KCNAB2: variants seen among roughly 807,000 people sequenced by gnomAD.
KCNAB2 encodes the protein voltage-gated potassium channel subunit beta-2.
Under a neutral mutation model 63.6 loss-of-function variants are expected in KCNAB2, and 29 were observed. That is an observed-to-expected ratio of 0.46 (90% CI 0.34 to 0.62). The LOEUF is 0.62. Among genes scored for constraint, KCNAB2 ranks in the 20% least tolerant of loss-of-function variants. KCNAB2 has a pLI of 0.01. For synonymous variants in KCNAB2, 222 were observed against 224.2 expected (o/e 0.99, Z 0.09); for missense variants, 359 against 563.9 (o/e 0.64, Z 3.68).
At chr1:6,051,308 C>T (rs1337050433) in intron 1 of KCNAB2, among the ~76,000 whole-genome samples, 2 of 152,246 alleles carry the variant, frequency 1.3e-5, no homozygotes, top group Non-Finnish European at 2.9e-5. Flanking sequence ...GAGTTCCTGG[C>T]AAGCACTGCT....
rs964982478 is a variant in KCNAB2, at chr1:6,046,134, A to G, written c.-76A>G. 3 of 985,404 alleles carry G rather than the reference A, an allele frequency of 3.0e-6. No homozygotes were observed. The highest frequency in any genetic ancestry group is 3.6e-6 in the Non-Finnish European group (3 of 829,910). 61.0% of individuals were successfully genotyped at this position (985,404 alleles called of 1,614,324 possible). A position where few individuals can be genotyped will look rare whatever the true frequency, so the allele number is the denominator to read the frequency against. On this transcript the variant is annotated 5_prime_UTR_variant, in exon 1 of 16. An upstream open reading frame in the 5' UTR loses its in-frame stop. Coordinates refer to ENST00000378083, the MANE Select transcript of KCNAB2 (RefSeq NM_001199862.2). ...TCCTTAGAGTGTCTGGTGATCCCTAATAAACCAGACTGTGGCCTTTTTAAC... is the reference window on the plus strand; with the variant it reads ...TCCTTAGAGTGTCTGGTGATCCCTAGTAAACCAGACTGTGGCCTTTTTAAC...
In KCNAB2 at chr1:6,074,358, T is replaced by C. The variant is rs1034360061; in HGVS notation, c.300+588T>C. ...AACACTAACAAAAAGCCAGCTTGTA[T>C]GCCGCCAGCGCCTCTGGGTCTCTCG... is the stretch of plus-strand genomic sequence containing the variant. On this transcript the variant is annotated intron_variant, in intron 4 of 15. Transcript: ENST00000378083. The surrounding 1 kb of genome is among the most constrained non-coding windows in gnomAD (Gnocchi z 4.9). Among the ~76,000 whole-genome samples, 3 of 152,254 alleles carry C rather than the reference T, an allele frequency of 2.0e-5. No homozygotes were observed. The highest frequency in any genetic ancestry group is 4.8e-5 in the African/African-American group (2 of 41,470).
rs1016499532 is a variant in KCNAB2 at position 6,051,605 on chromosome 1, G to A, written c.69G>A (p.Leu23=). 45 of 1,534,804 alleles carry A rather than the reference G, an allele frequency of 2.9e-5. No homozygotes were observed. The highest frequency in any genetic ancestry group is 3.8e-5 in the Non-Finnish European group (44 of 1,146,654). Residue 23 remains leucine, a synonymous_variant, in exon 2 of 16, where the codon CTG becomes CTA. Coordinates refer to ENST00000378083, the MANE Select transcript of KCNAB2 (RefSeq NM_001199862.2). ...VSSRCHSEWA[L]HPVRQTDTLE... ...GCAGGTGCCACTCTGAATGGGCCCT[G>A]CACCCCGTCCGCCAGACGGACACGC... is the stretch of plus-strand genomic sequence containing the variant.
intron 1 of KCNAB2, among the ~76,000 whole-genome samples, chr1:6,005,420 AGT>A (rs1657591055): frequency 6.6e-5 from 5 of 76,026 alleles, no homozygotes; most frequent in African/African-American, 3.6e-4. Flanking sequence ...GTGGGGGTGG[AGT>A]TGTGGGTTGT....
At position 6,049,982 on chromosome 1, in the gene KCNAB2, G is replaced by A. The variant is rs567245330; in HGVS notation, c.-26-1529G>A. On this transcript the variant is annotated intron_variant, in intron 1 of 15. Coordinates refer to ENST00000378083, the MANE Select transcript of KCNAB2 (RefSeq NM_001199862.2). ...GGTCACCCATTCTGGAAGGACCCCA[G>A]CACATGGGGCTCATCACAAACTCCT... is the stretch of plus-strand genomic sequence containing the variant. Among the ~76,000 whole-genome samples the A allele has an allele frequency of 5.9e-5, 9 of 152,306 alleles. No individual in the cohort carries two copies. The East Asian group carries it at 1.7e-3, about 29-fold the overall frequency.
chr1:6,027,741 G>C (rs560142392), intron 1 of KCNAB2, among the ~76,000 whole-genome samples: 1 of 152,268 alleles, frequency 6.6e-6, no homozygotes, highest in South Asian at 2.1e-4. Flanking sequence ...CAAATGCTCC[G>C]TTCGGCAGTC....
At chr1:6,042,845 C>CA (rs768744472), upstream of KCNAB2, among the ~76,000 whole-genome samples, 1 of 92,376 alleles carries the variant, frequency 1.1e-5, no homozygotes, top group South Asian at 6.1e-4. Context: ...CACTCCCCAC[C>CA]CCCCCCCCCG....
chr1:6,057,895 A>T, intron 2 of KCNAB2, among the ~76,000 whole-genome samples: 1 of 152,154 alleles, frequency 6.6e-6, no homozygotes, highest in East Asian at 1.9e-4. Context: ...TCATGCTTAT[A>T]ATCCCAGCAT....
Position 6,082,105 on chromosome 1 carries a change from G to A in KCNAB2, c.301-90G>A, listed in dbSNP as rs185402294. ...GCCCGGGAGGGCAGGGCCTGGACAC[G>A]GGGAGGCCTCCCAGGCCGAGAGGGT... On this transcript the variant is annotated intron_variant, in intron 4 of 15. Coordinates refer to ENST00000378083, the MANE Select transcript of KCNAB2 (RefSeq NM_001199862.2). 11 of 1,113,430 alleles carry A rather than the reference G, an allele frequency of 9.9e-6. No homozygotes were observed. The Middle Eastern group carries it at 6.0e-4, about 60-fold the overall frequency. The allele number at this position is 1,113,430 out of a possible 1,614,324, so 69.0% of individuals were successfully genotyped here. A position where few individuals can be genotyped will look rare whatever the true frequency, so the allele number is the denominator to read the frequency against.
chr1:6,090,901 T>C (rs561133315), intron 9 of KCNAB2, among the ~76,000 whole-genome samples: 4 of 152,304 alleles, frequency 2.6e-5, no homozygotes, highest in Middle Eastern at 3.4e-3. Context: ...GATAAATTAC[T>C]ACATAGAGGA....
intron 4 of KCNAB2, among the ~76,000 whole-genome samples, chr1:6,075,658 C>T (rs1003128848): frequency 5.3e-5 from 8 of 152,326 alleles, no homozygotes; most frequent in Non-Finnish European, 8.8e-5. Context: ...TCAGGTGCTG[C>T]GGCTCAGTCC....
At chr1:6,089,901 A>G (rs145686260) in intron 8 of KCNAB2, among the ~76,000 whole-genome samples, 1 of 152,160 alleles carries the variant, frequency 6.6e-6, no homozygotes, top group Non-Finnish European at 1.5e-5. Flanking sequence ...GGGTTTCACT[A>G]TGTTGGCCAG....
In KCNAB2 at chr1:6,097,279, G is replaced by A; in HGVS notation, c.1080G>A (p.Leu360=). ...GTCTCGCCGCCACAGCCTGGTGCCT[G>A]AGGAATGAGGGAGTCAGCTCCGTGC... ...TLPQLAIAWC[L]RNEGVSSVLL... The change falls in exon 15 of 16, where the codon CTG becomes CTA. Residue 360 remains leucine (L), a synonymous_variant. Transcript: ENST00000378083. The A allele has an allele frequency of 1.3e-6, 2 of 1,547,192 alleles. No individual in the cohort carries two copies. The highest frequency in any genetic ancestry group is 8.7e-7 in the Non-Finnish European group (1 of 1,144,086).
At chr1:6,068,362 G>A (rs1435521811) in intron 2 of KCNAB2, among the ~76,000 whole-genome samples, 1 of 152,254 alleles carries the variant, frequency 6.6e-6, no homozygotes, top group Non-Finnish European at 1.5e-5. Context: ...CAGGTTTGCA[G>A]TCTGTGGACC....
At chr1:6,038,743 G>A (rs1001128697) in intron 1 of KCNAB2, among the ~76,000 whole-genome samples, 12 of 152,166 alleles carry the variant, frequency 7.9e-5, no homozygotes, top group African/African-American at 2.7e-4. Flanking sequence ...GATTTCTTCC[G>A]AGGAAGCCGG....
intron 4 of KCNAB2, among the ~76,000 whole-genome samples, chr1:6,076,848 G>A (rs533254090): frequency 3.0e-4 from 46 of 152,322 alleles, no homozygotes; most frequent in African/African-American, 9.4e-4. Context: ...TAAAGGCTGC[G>A]TAAACTGAAC....
In KCNAB2 at chr1:6,035,139, G is replaced by C. The variant is rs1295094; in HGVS notation, c.-53+345G>C. On this transcript the variant is annotated intron_variant, in intron 1 of 15. Transcript: ENST00000164247. This position sits in a 1 kb window ranked among gnomAD's most constrained non-coding sequence, Gnocchi z 5.0. Reference sequence around the variant, plus strand: ...ACCACGGTGGTCAGAAGTTGAATTCGGGCCGGAGGAGGAGGAGTGCATGAA... The same window carrying C: ...ACCACGGTGGTCAGAAGTTGAATTCCGGCCGGAGGAGGAGGAGTGCATGAA... Among the ~76,000 whole-genome samples the C allele has an allele frequency of 1.3e-5, 2 of 151,844 alleles. No individual in the cohort carries two copies. The highest frequency in any genetic ancestry group is 4.8e-5 in the African/African-American group (2 of 41,258).
chr1:6,095,231 G>C (rs115403032), intron 11 of KCNAB2, 92 bp from the exon 12 acceptor site: 15 of 1,375,070 alleles, frequency 1.1e-5, no homozygotes, highest in Non-Finnish European at 1.5e-5. Context: ...AGCCTGCTCC[G>C]GGGACACCTT....
In KCNAB2 at chr1:6,028,486, G is replaced by A. The variant is rs763407127; in HGVS notation, c.-52-12031G>A. ...TCAACAAGCAGGTGCTGGAGTCCTC[G>A]CCCCGAGGCCTTCCGGAAGACACCC... is the stretch of plus-strand genomic sequence containing the variant. On this transcript the variant is annotated intron_variant, in intron 1 of 16. Coordinates refer to the KCNAB2 transcript ENST00000341524. The surrounding 1 kb of genome is among the most constrained non-coding windows in gnomAD (Gnocchi z 4.0). Among the ~76,000 whole-genome samples the A allele has an allele frequency of 7.2e-5, 11 of 152,294 alleles. No homozygotes were observed. Among genetic ancestry groups the A allele is most frequent in the Non-Finnish European group, 1.3e-4 (9 of 68,028 alleles).
Sources: allele counts gnomAD v4.1 joint callset (sites outside exome capture counted in the v4.1 genomes callset), GRCh38; gene constraint gnomAD v4.1.1; non-coding constraint Gnocchi (gnomAD v3.1); transcripts MANE v1.5; gene names NCBI Gene and HGNC (gene_info 2026-07-23, HGNC 2026-07-21).